The following PDE5A variants were observed in gnomAD, a reference collection of about 807,000 sequenced individuals.
PDE5A encodes the protein phosphodiesterase 5A, also known as cGMP-specific 3',5'-cyclic phosphodiesterase.
Under a neutral mutation model 110.2 loss-of-function variants are expected in PDE5A, and 67 were observed. The observed-to-expected ratio is 0.61, with a 90% CI of 0.50 to 0.75. The LOEUF is 0.75. Among genes scored for constraint, PDE5A ranks in the 30% least tolerant of loss-of-function variants. The pLI is 0.00. For missense variants in PDE5A, 862 were observed against 1,045.1 expected (o/e 0.82, Z 2.42); for synonymous variants, 328 against 351.2 (o/e 0.93, Z 0.74).
rs1578715354 is a variant in PDE5A at position 119,498,565 on chromosome 4, T to G, written c.*36A>C. The G allele has an allele frequency of 6.2e-7, 1 of 1,612,710 alleles. No homozygotes were observed. Among genetic ancestry groups the G allele is most frequent in the African/African-American group, 1.3e-5 (1 of 75,004 alleles). On this transcript the variant is annotated 3_prime_UTR_variant, in exon 21 of 21. Coordinates refer to ENST00000354960, the MANE Select transcript of PDE5A (RefSeq NM_001083.4). ...ACTAGGCATATTGCAGAACACACCA[T>G]CTCTGTAAACTTCAACTCTGCATGA... is the stretch of plus-strand genomic sequence containing the variant.
At chr4:119,549,634 T>C (rs1727268211) in intron 9 of PDE5A, 1 of 152,078 alleles carries the variant, frequency 6.6e-6, no homozygotes, top group South Asian at 2.1e-4. Flanking sequence ...GAAATTGATA[T>C]GGAAAAAATA....
At chr4:119,563,771 C>G (rs931644865) in intron 5 of PDE5A, among the ~76,000 whole-genome samples, 1 of 151,976 alleles carries the variant, frequency 6.6e-6, no homozygotes, top group African/African-American at 2.4e-5. Flanking sequence ...TGATGCACTG[C>G]AGGAAGGAAG....
intron 5 of PDE5A, among the ~76,000 whole-genome samples, chr4:119,565,028 T>C (rs927734551): frequency 6.6e-6 from 1 of 152,082 alleles, no homozygotes; most frequent in Non-Finnish European, 1.5e-5. Context: ...GTGCAACCCA[T>C]ACAGTGACTT....
At chr4:119,531,963 A>T (rs1726557568) in intron 11 of PDE5A, among the ~76,000 whole-genome samples, 1 of 152,156 alleles carries the variant, frequency 6.6e-6, no homozygotes, top group Non-Finnish European at 1.5e-5. Flanking sequence ...TGAAAATGTT[A>T]TCTCAGTGTC....
intron 13 of PDE5A, among the ~76,000 whole-genome samples, chr4:119,520,005 G>A (rs1726065736): frequency 1.3e-5 from 2 of 152,072 alleles, no homozygotes; most frequent in South Asian, 4.1e-4. Flanking sequence ...CAACCAGTAA[G>A]TATAATGCAA....
At chr4:119,539,118 ATAAT>A in intron 10 of PDE5A, 99 bp from the exon 11 acceptor site, 1 of 873,710 alleles carries the variant, frequency 1.1e-6, no homozygotes. Context: ...TCTTGGAGAG[ATAAT>A]TAGACTCCTC....
intron 14 of PDE5A, among the ~76,000 whole-genome samples, chr4:119,518,411 G>T (rs558006243): frequency 2.0e-5 from 3 of 152,100 alleles, no homozygotes; most frequent in Non-Finnish European, 4.4e-5. Context: ...TTGTCCTAAC[G>T]GATAGTGTCT....
chr4:119,517,803 C>T (rs1725969259), intron 14 of PDE5A, among the ~76,000 whole-genome samples: 1 of 151,654 alleles, frequency 6.6e-6, no homozygotes, highest in Admixed American at 6.6e-5. Flanking sequence ...TTATTCTGAT[C>T]TTTTGGTTGT....
intron 3 of PDE5A, among the ~76,000 whole-genome samples, chr4:119,571,740 C>T (rs1030285190): frequency 2.3e-4 from 35 of 152,168 alleles, no homozygotes; most frequent in African/African-American, 7.7e-4. Flanking sequence ...TATATTCTTG[C>T]ATTATTTTTC....
At chr4:119,545,512 G>A (rs776389332) in intron 9 of PDE5A, among the ~76,000 whole-genome samples, 16 of 152,128 alleles carry the variant, frequency 1.1e-4, no homozygotes, top group Non-Finnish European at 2.1e-4. Context: ...ATTCAAAAAT[G>A]TATTGGGGGA....
chr4:119,586,337 A>G, intron 3 of PDE5A, among the ~76,000 whole-genome samples: 1 of 152,216 alleles, frequency 6.6e-6, no homozygotes, highest in East Asian at 1.9e-4. Context: ...TATGATCAAA[A>G]GCAAGTGGAG....
chr4:119,623,090 A>T (rs1730216911), intron 1 of PDE5A, among the ~76,000 whole-genome samples: 1 of 151,932 alleles, frequency 6.6e-6, no homozygotes. Flanking sequence ...AAATAAGATT[A>T]CAGAGCTAAA....
At chr4:119,530,362 G>A (rs1726485733) in intron 11 of PDE5A, among the ~76,000 whole-genome samples, 1 of 152,096 alleles carries the variant, frequency 6.6e-6, no homozygotes, top group Non-Finnish European at 1.5e-5. Flanking sequence ...AAACCCAAGT[G>A]TAGTCTTATC....
intron 3 of PDE5A, among the ~76,000 whole-genome samples, chr4:119,569,150 C>G (rs10027735): frequency 0.015 from 2,274 of 151,810 alleles, 58 homozygotes; most frequent in African/African-American, 0.052. Context: ...TCTCCAACCT[C>G]AGCTTCCAAG....
intron 14 of PDE5A, 131 bp downstream of exon 14, chr4:119,518,914 C>G (rs902050223): frequency 3.4e-6 from 2 of 586,250 alleles, no homozygotes; most frequent in Admixed American, 3.1e-5. Context: ...TTATTTTTTC[C>G]ATTTCCTTTA....
Position 119,497,771 on chromosome 4 carries a change from TAGAG to T in PDE5A, c.*826_*829del, listed in dbSNP as rs929692790. The T allele has an allele frequency of 1.7e-4, 26 of 152,302 alleles. No individual in the cohort carries two copies. Among genetic ancestry groups the T allele is most frequent in the African/African-American group, 4.3e-4 (18 of 41,584 alleles). The allele number at this position is 152,302 out of a possible 1,614,324, so 9.4% of individuals were successfully genotyped here. A position where few individuals can be genotyped will look rare whatever the true frequency, so the allele number is the denominator to read the frequency against. ...GGAAGCTCAGAAGGAAAAAAACTCTTAGAGAGATCTTCTAACAGAACATTTTTCT... is the reference window on the plus strand; with the variant it reads ...GGAAGCTCAGAAGGAAAAAAACTCTTAGATCTTCTAACAGAACATTTTTCT... On this transcript the variant is annotated 3_prime_UTR_variant, in exon 21 of 21. Transcript: ENST00000354960.
At chr4:119,530,849 C>G (rs1359073951) in intron 11 of PDE5A, among the ~76,000 whole-genome samples, 1 of 152,022 alleles carries the variant, frequency 6.6e-6, no homozygotes, top group African/African-American at 2.4e-5. Flanking sequence ...CGGAAACAAC[C>G]AATATGTTGT....
intron 13 of PDE5A, among the ~76,000 whole-genome samples, chr4:119,520,441 T>C (rs1277435641): frequency 6.6e-5 from 10 of 152,082 alleles, no homozygotes; most frequent in Admixed American, 6.6e-4. Flanking sequence ...CTGGTCAATG[T>C]ATATGAAACC....
At chr4:119,608,867 T>C (rs1729635206) in intron 1 of PDE5A, among the ~76,000 whole-genome samples, 1 of 152,148 alleles carries the variant, frequency 6.6e-6, no homozygotes, top group African/African-American at 2.4e-5. Context: ...GTAGTAACAA[T>C]TGATATTACT....
Sources: gnomAD v4.1 joint callset for allele counts (sites outside exome capture counted in the v4.1 genomes callset) on GRCh38, gnomAD v4.1.1 for gene constraint, MANE v1.5 for transcripts, NCBI Gene and HGNC (gene_info 2026-07-23, HGNC 2026-07-21) for gene names.